The following CATIP variants were observed in gnomAD, a reference collection of about 807,000 sequenced individuals.
CATIP encodes the protein ciliogenesis associated TTC17 interacting protein, also known as ciliogenesis-associated TTC17-interacting protein.
A neutral mutation model predicts 42.5 loss-of-function variants in CATIP; 40 were observed. The observed-to-expected ratio is 0.94, with a 90% CI of 0.73 to 1.22. The LOEUF is 1.22. CATIP is among the 50% of genes most tolerant of loss of function. The pLI, the probability that CATIP is intolerant of heterozygous loss-of-function variation, is 0.00. For synonymous variants in CATIP, 222 were observed against 200.2 expected, an observed-to-expected ratio of 1.11 and a Z score of -0.92; for missense variants, 489 against 496.0, an observed-to-expected ratio of 0.99 and a Z score of 0.13.
intron 9 of CATIP, 53 bp downstream of exon 9, chr2:218,367,571 T>G (rs1288014203): frequency 1.2e-6 from 2 of 1,605,410 alleles, no homozygotes; most frequent in Non-Finnish European, 1.7e-6. Flanking sequence ...GGGCCTTAAA[T>G]TCATTACTGA....
In CATIP at chr2:218,360,558, T is replaced by A; in HGVS notation, c.376-15T>A. 1 of 1,609,540 alleles carries A rather than the reference T, an allele frequency of 6.2e-7. No homozygotes were observed. The highest frequency in any genetic ancestry group is 1.1e-5 in the South Asian group (1 of 90,952). On this transcript the variant is annotated splice_polypyrimidine_tract_variant and intron_variant, in intron 4 of 9. Transcript: ENST00000289388. ...AGGGAGTCCCTGATCCTCCCCCGCA[T>A]GCTCTGGCCCTCAGTTCCTCATCCT...
intron 4 of CATIP, among the ~76,000 whole-genome samples, chr2:218,358,343 C>T (rs982146442): frequency 1.3e-5 from 2 of 150,360 alleles, no homozygotes; most frequent in Non-Finnish European, 1.5e-5. Flanking sequence ...CAGAGGTGGG[C>T]GGATCACCCT....
In CATIP at chr2:218,357,681, A is replaced by G; in HGVS notation, c.266A>G (p.His89Arg). The change falls in exon 3 of 10, where the codon CAT becomes CGT. Residue 89 changes from histidine (H) to arginine (R), a missense_variant. Physicochemically the swap from His to Arg is conservative, Grantham distance 29. Transcript: ENST00000289388. Reference sequence around the variant, plus strand: ...ATGCTGACATACTGCCTCTTCGTGCATGCCTCTAGCCGAGGCTTCTTGGAC... The same window carrying G: ...ATGCTGACATACTGCCTCTTCGTGCGTGCCTCTAGCCGAGGCTTCTTGGAC... ...LGMLTYCLFVHASSRGFLDKM... is the reference protein window; with the variant it reads ...LGMLTYCLFVRASSRGFLDKM... The G allele has an allele frequency of 6.2e-7, 1 of 1,614,078 alleles. No homozygotes were observed. The highest frequency in any genetic ancestry group is 8.5e-7 in the Non-Finnish European group (1 of 1,180,012).
intron 5 of CATIP, 45 bp from the exon 6 acceptor site, chr2:218,362,690 C>A (rs976630761): frequency 2.2e-5 from 35 of 1,585,856 alleles, no homozygotes; most frequent in Non-Finnish European, 2.9e-5. Context: ...CTGTCCCCTG[C>A]CCCTTCCTGG....
At chr2:218,357,259 G>GTCCC in intron 2 of CATIP, 72 bp downstream of exon 2, 2 of 605,428 alleles carry the variant, frequency 3.3e-6, no homozygotes, top group Non-Finnish European at 5.6e-6. Flanking sequence ...AGAAAGTCCA[G>GTCCC]TCTCTCTCTC....
chr2:218,364,577 C>T (rs1418466382), intron 6 of CATIP, 51 bp from the exon 7 acceptor site: 1 of 1,603,312 alleles, frequency 6.2e-7, no homozygotes, highest in South Asian at 1.1e-5. Flanking sequence ...ATGGGGAGCC[C>T]TTGGCGGGCA....
At chr2:218,367,308 C>T in intron 8 of CATIP, 122 bp from the exon 9 acceptor site, 1 of 966,864 alleles carries the variant, frequency 1.0e-6, no homozygotes, top group Non-Finnish European at 1.6e-6. Flanking sequence ...GCAACTCTGC[C>T]CATGTGGGCA....
At position 218,357,740 on chromosome 2, in the gene CATIP, G is replaced by A. The variant is rs199998012; in HGVS notation, c.319+6G>A. Reference sequence around the variant, plus strand: ...CTGCGGAAATTCCCTCCTGGGTAGCGTTCCTACTGCCTGATGCCCGTCACT... The same window carrying A: ...CTGCGGAAATTCCCTCCTGGGTAGCATTCCTACTGCCTGATGCCCGTCACT... On this transcript the variant is annotated splice_donor_region_variant and intron_variant, in intron 3 of 9. Coordinates refer to ENST00000289388, the MANE Select transcript of CATIP (RefSeq NM_198559.2). 3.1e-5 allele frequency: 50 copies of A among 1,610,892 alleles called. No individual in the cohort carries two copies. Among genetic ancestry groups the A allele is most frequent in the Admixed American group, 2.0e-4 (12 of 60,002 alleles).
intron 6 of CATIP, among the ~76,000 whole-genome samples, chr2:218,363,577 C>T (rs1411572937): frequency 6.6e-6 from 1 of 151,386 alleles, no homozygotes; most frequent in Non-Finnish European, 1.5e-5. Flanking sequence ...CCAAGGTGGG[C>T]AGATCACTTG....
chr2:218,360,826 C>A (rs1479340559), intron 5 of CATIP, among the ~76,000 whole-genome samples, 167 bp downstream of exon 5: 2 of 144,588 alleles, frequency 1.4e-5, no homozygotes, highest in Admixed American at 1.4e-4. Flanking sequence ...TGGGGCACAG[C>A]TTGTTTTTTT....
In CATIP at chr2:218,357,156, T is replaced by TGCTGAA; in HGVS notation, c.90_95dup (p.Glu31_Ala32dup). ...AGTGTCTGCCACTCCCAGAGGCCAA[T>TGCTGAA]GCTGAAGCCATCGACTTCCTCAGCT... is the stretch of plus-strand genomic sequence containing the variant. On this transcript the variant is annotated inframe_insertion, in exon 2 of 10. Transcript: ENST00000289388. 3 of 1,613,896 alleles carry TGCTGAA rather than the reference T, an allele frequency of 1.9e-6. No homozygotes were observed. The highest frequency in any genetic ancestry group is 2.5e-6 in the Non-Finnish European group (3 of 1,179,956).
At chr2:218,367,664 G>A (rs1337465678) in intron 9 of CATIP, 58 bp from the exon 10 acceptor site, 10 of 1,575,646 alleles carry the variant, frequency 6.3e-6, no homozygotes, top group East Asian at 4.6e-5. Flanking sequence ...GAGCGGCTGG[G>A]GGCTCCTGGG....
At chr2:218,359,738 T>C (rs571390061) in intron 4 of CATIP, among the ~76,000 whole-genome samples, 2 of 152,312 alleles carry the variant, frequency 1.3e-5, no homozygotes, top group Admixed American at 1.3e-4. Context: ...TTATATTGCA[T>C]CATAACACGA....
chr2:218,366,614 T>C (rs1423132304), intron 7 of CATIP: 1 of 256,270 alleles, frequency 3.9e-6, no homozygotes, highest in Non-Finnish European at 7.7e-6. Context: ...CAAGGGGCAC[T>C]GTCATGTAGG....
rs143024735 is a variant in CATIP, at chr2:218,362,901, A to G, written c.629A>G (p.Tyr210Cys). 44 of 1,610,524 alleles carry G rather than the reference A, an allele frequency of 2.7e-5. No homozygotes were observed. The highest frequency in any genetic ancestry group is 3.6e-5 in the Non-Finnish European group (42 of 1,177,924). Residue 210 changes from tyrosine (Y) to cysteine (C), a missense_variant and splice_region_variant, in exon 6 of 10, where the codon TAT (tyrosine) becomes TGT (cysteine). Physicochemically the swap from Tyr to Cys is radical, Grantham distance 194. Transcript: ENST00000289388. ...DTEGKLCYLTYQNLGFQTIQV... is the reference protein window; with the variant it reads ...DTEGKLCYLTCQNLGFQTIQV... The stretch of plus-strand genomic sequence containing the variant: ...GAGGGCAAACTCTGCTATTTGACCT[A>G]TGTAAGGGGTCCCCTTGGGCAGGGG...
chr2:218,358,039 T>C lies in CATIP; in HGVS notation c.322T>C (p.Tyr108His). The C allele has an allele frequency of 6.2e-7, 1 of 1,614,066 alleles. No homozygotes were observed. ...ATGCCTGTGTCCCTGCACCCCAGGC[T>C]ATCTCTCAGAGAAGCTGGAGCTCAT... ...KMLCGNSLLGYLSEKLELMEQ... is the reference protein window; with the variant it reads ...KMLCGNSLLGHLSEKLELMEQ... Residue 108 changes from tyrosine (Y) to histidine (H), a missense_variant and splice_region_variant, in exon 4 of 10, where the codon TAT becomes CAT. By Grantham distance (83) the Tyr-to-His change is moderately conservative. Transcript: ENST00000289388.
Position 218,360,640 on chromosome 2 carries a change from G to C in CATIP, c.443G>C (p.Arg148Thr). The part of the protein sequence containing the change: ...LKQDDQLAVT[R>T]SIKEGEEVKT... The stretch of plus-strand genomic sequence containing the variant: ...CAGGATGATCAGCTGGCTGTGACCA[G>C]AAGTATCAAGGAGGGTGAGGTAAGG... Residue 148 changes from arginine to threonine, a missense_variant, in exon 5 of 10, where the codon AGA becomes ACA. Physicochemically the swap from Arg to Thr is moderately conservative, Grantham distance 71 (BLOSUM62 -1). Coordinates refer to ENST00000289388, the MANE Select transcript of CATIP (RefSeq NM_198559.2). The C allele has an allele frequency of 6.2e-7, 1 of 1,613,890 alleles. No homozygotes were observed. The highest frequency in any genetic ancestry group is 8.5e-7 in the Non-Finnish European group (1 of 1,179,896).
At chr2:218,360,484 C>A in intron 4 of CATIP, 89 bp from the exon 5 acceptor site, 4 of 990,356 alleles carry the variant, frequency 4.0e-6, no homozygotes, top group South Asian at 2.7e-5. Context: ...ATCTTTAAAC[C>A]TCAGTTTTCT....
At chr2:218,362,459 T>C (rs1365504706) in intron 5 of CATIP, among the ~76,000 whole-genome samples, 2 of 151,264 alleles carry the variant, frequency 1.3e-5, no homozygotes, top group East Asian at 3.9e-4. Context: ...GCCAACATGG[T>C]GAAATCCGGT....
Sources: gnomAD v4.1 joint callset for allele counts (sites outside exome capture counted in the v4.1 genomes callset) on GRCh38, gnomAD v4.1.1 for gene constraint, MANE v1.5 for transcripts, NCBI Gene and HGNC (gene_info 2026-07-23, HGNC 2026-07-21) for gene names.